The following PLCH1 variants were observed in gnomAD, a reference collection of about 807,000 sequenced individuals.
PLCH1 encodes the protein phospholipase C eta 1.
In PLCH1, 60 loss-of-function variants were observed where a neutral mutation model predicts 126.7. The observed-to-expected ratio is 0.47, with a 90% CI of 0.38 to 0.59. PLCH1 has a LOEUF of 0.59. Ranked by LOEUF, PLCH1 falls within the 20% of genes least tolerant of loss-of-function variation. The pLI is 0.00. For missense variants in PLCH1, 1,723 were observed against 2,040.0 expected, an observed-to-expected ratio of 0.84 and a Z score of 2.99; for synonymous variants, 719 against 734.9, an observed-to-expected ratio of 0.98 and a Z score of 0.35.
In PLCH1 at chr3:155,482,209, G is replaced by A. The variant is rs1714197102; in HGVS notation, c.3817C>T (p.Pro1273Ser). Residue 1273 changes from proline to serine, a missense_variant, in exon 23 of 23, where the codon CCC (proline) becomes TCC (serine). Physicochemically the swap from Pro to Ser is moderately conservative, Grantham distance 74 (BLOSUM62 -1). Around this residue, in one of 2 missense-constraint regions of PLCH1, gnomAD observed 947 missense variants for 977.1 expected, o/e 0.97. Coordinates refer to ENST00000460012, the MANE Select transcript of PLCH1 (RefSeq NM_014996.4). ...TCATCTGGTTTGGTTTTAGAGATGGGAGTGCAGGTAGTTTCATAAACTGTG... is the reference window on the plus strand; with the variant it reads ...TCATCTGGTTTGGTTTTAGAGATGGAAGTGCAGGTAGTTTCATAAACTGTG... ...TNTVYETTCT[P>S]ISKTKPDDDL... 8.7e-6 allele frequency: 14 copies of A among 1,614,174 alleles called. No homozygotes were observed. Among genetic ancestry groups the A allele is most frequent in the Non-Finnish European group, 1.1e-5 (13 of 1,180,034 alleles).
intron 6 of PLCH1, among the ~76,000 whole-genome samples, chr3:155,575,166 A>G (rs575496362): frequency 1.3e-5 from 2 of 152,194 alleles, no homozygotes; most frequent in South Asian, 4.1e-4. Context: ...AAAATGATAC[A>G]GAAATTCAGG....
intron 21 of PLCH1, among the ~76,000 whole-genome samples, chr3:155,463,609 A>G (rs1712810826): frequency 6.6e-6 from 1 of 152,214 alleles, no homozygotes; most frequent in Non-Finnish European, 1.5e-5. Flanking sequence ...GGGTAACATC[A>G]TCTCCTCACA....
chr3:155,495,748 T>A (rs930628812), intron 15 of PLCH1, among the ~76,000 whole-genome samples: 1 of 152,026 alleles, frequency 6.6e-6, no homozygotes, highest in African/African-American at 2.4e-5. Context: ...GTTAGAAGAG[T>A]CAGGAATACA....
chr3:155,538,753 A>T (rs565303100), intron 10 of PLCH1, among the ~76,000 whole-genome samples: 1 of 152,204 alleles, frequency 6.6e-6, no homozygotes, highest in Admixed American at 6.5e-5. Flanking sequence ...TGAAATGCTA[A>T]TAAAAAAAAT....
At position 155,480,076 on chromosome 3, in the gene PLCH1, T is replaced by C. The variant is rs928447795; in HGVS notation, c.*892A>G. 6.6e-6 allele frequency: 1 copy of C among 152,620 alleles called. No homozygotes were observed. The highest frequency in any genetic ancestry group is 1.9e-4 in the East Asian group (1 of 5,200). 9.5% of individuals were successfully genotyped at this position (152,620 alleles called of 1,614,324 possible). A position where few individuals can be genotyped will look rare whatever the true frequency, so the allele number is the denominator to read the frequency against. ...GAAGGAAAAGGGTTTCTTCTAATTATCTGTTCACTTGGATTTTATTATGAG... is the reference window on the plus strand; with the variant it reads ...GAAGGAAAAGGGTTTCTTCTAATTACCTGTTCACTTGGATTTTATTATGAG... On this transcript the variant is annotated 3_prime_UTR_variant, in exon 23 of 23. Coordinates refer to ENST00000460012, the MANE Select transcript of PLCH1 (RefSeq NM_014996.4).
chr3:155,467,288 C>G (rs1712964288), intron 21 of PLCH1, among the ~76,000 whole-genome samples: 1 of 151,908 alleles, frequency 6.6e-6, no homozygotes, highest in Non-Finnish European at 1.5e-5. Context: ...AAGAAAGGAT[C>G]CTAGACCAGG....
At chr3:155,526,109 G>A (rs1044551643) in intron 10 of PLCH1, among the ~76,000 whole-genome samples, 2 of 152,098 alleles carry the variant, frequency 1.3e-5, no homozygotes, top group Admixed American at 1.3e-4. Flanking sequence ...GAGGGTGGGA[G>A]GTGGAACAAA....
intron 2 of PLCH1, among the ~76,000 whole-genome samples, chr3:155,652,744 C>A (rs918044554): frequency 6.6e-5 from 10 of 152,190 alleles, no homozygotes; most frequent in Admixed American, 6.5e-4. Flanking sequence ...ACACCTGCTA[C>A]CTCGCCTCAA....
chr3:155,689,016 C>T (rs1745172000), intron 2 of PLCH1, among the ~76,000 whole-genome samples: 2 of 152,216 alleles, frequency 1.3e-5, no homozygotes, highest in Admixed American at 1.3e-4. Flanking sequence ...CCAGTCAGTG[C>T]CATGCTGGCT....
At chr3:155,478,352 T>C (rs928088192), downstream of PLCH1, among the ~76,000 whole-genome samples, 2 of 152,164 alleles carry the variant, frequency 1.3e-5, no homozygotes, top group African/African-American at 2.4e-5. Flanking sequence ...AGGATGACTA[T>C]AGTCAATAAT....
At chr3:155,560,291 A>G (rs1727396262) in intron 8 of PLCH1, among the ~76,000 whole-genome samples, 2 of 152,218 alleles carry the variant, frequency 1.3e-5, no homozygotes, top group South Asian at 2.1e-4. Context: ...ATCTCTATGC[A>G]TGCCAGACAT....
At chr3:155,583,160 ATAGTAT>A (rs1289487495) in intron 6 of PLCH1, among the ~76,000 whole-genome samples, 2 of 150,662 alleles carry the variant, frequency 1.3e-5, no homozygotes, top group Non-Finnish European at 3.0e-5. Context: ...TTAATACATC[ATAGTAT>A]TAGTATAAAG....
At position 155,500,779 on chromosome 3, in the gene PLCH1, G is replaced by A. The variant is rs773887107; in HGVS notation, c.1720C>T (p.Arg574Trp). The A allele has an allele frequency of 1.5e-5, 24 of 1,611,224 alleles. No individual in the cohort carries two copies. The East Asian group carries it at 2.2e-4, about 15-fold the overall frequency. Reference sequence around the variant, plus strand: ...TCATCAGTACTGTAAGATTTAGACCGTGATTTTGTAGTTTTCTGCCAGAAA... The same window carrying A: ...TCATCAGTACTGTAAGATTTAGACCATGATTTTGTAGTTTTCTGCCAGAAA... Reference protein sequence around the residue: ...FGKHKKTTKSRSKSYSTDDEE... With the variant: ...FGKHKKTTKSWSKSYSTDDEE... The change falls in exon 14 of 23, where the codon CGG (arginine) becomes TGG (tryptophan). Residue 574 changes from arginine to tryptophan, a missense_variant. By Grantham distance (101) the Arg-to-Trp change is moderately radical (BLOSUM62 -3). Transcript: ENST00000460012.
chr3:155,650,246 T>C (rs867501779), intron 2 of PLCH1, among the ~76,000 whole-genome samples: 5 of 152,196 alleles, frequency 3.3e-5, no homozygotes, highest in African/African-American at 1.2e-4. Context: ...AAGTAAAATT[T>C]CCAGCAATGA....
At chr3:155,663,435 C>T (rs887082858) in intron 2 of PLCH1, among the ~76,000 whole-genome samples, 2 of 152,212 alleles carry the variant, frequency 1.3e-5, no homozygotes, top group Admixed American at 6.5e-5. Flanking sequence ...AAACCTTTTG[C>T]TCTCTTTCCG....
intron 21 of PLCH1, among the ~76,000 whole-genome samples, chr3:155,469,186 T>C (rs943959230): frequency 2.0e-5 from 3 of 151,858 alleles, no homozygotes; most frequent in African/African-American, 7.3e-5. Flanking sequence ...CACTAGGGAG[T>C]TACAGACAGT....
chr3:155,484,146 T>C (rs1484384657), intron 22 of PLCH1, among the ~76,000 whole-genome samples: 6 of 152,168 alleles, frequency 3.9e-5, no homozygotes, highest in African/African-American at 1.4e-4. Flanking sequence ...TACCGAAACT[T>C]TAATACACAT....
Position 155,565,066 on chromosome 3 carries a change from G to A in PLCH1, c.918C>T (p.His306=). Residue 306 remains histidine (H), a synonymous_variant, in exon 8 of 23, where the codon CAC becomes CAT. Coordinates refer to ENST00000460012, the MANE Select transcript of PLCH1 (RefSeq NM_014996.4). ...GATCCATGTCTTGGTACACTTCATG[G>A]TGCAATGGGTTAAATATGTCACAGG... ...SPACDIFNPL[H]HEVYQDMDQP... 1 of 1,613,826 alleles carries A rather than the reference G, an allele frequency of 6.2e-7. No individual in the cohort carries two copies.
rs188657470 is a variant in PLCH1, at chr3:155,631,366, A to C, written c.80-34988T>G. Among the ~76,000 whole-genome samples the C allele has an allele frequency of 2.8e-3, 425 of 152,236 alleles. 6 individuals carry two copies. The highest frequency in any genetic ancestry group is 9.8e-3 in the African/African-American group (408 of 41,538). On this transcript the variant is annotated intron_variant, in intron 2 of 22. Transcript: ENST00000460012. Reference sequence around the variant, plus strand: ...CACTGTGTTTAAATATGATGCATGCACTTGAAGCAGTAGAACCTCAATTCA... The same window carrying C: ...CACTGTGTTTAAATATGATGCATGCCCTTGAAGCAGTAGAACCTCAATTCA...
Sources: allele counts gnomAD v4.1 joint callset (sites outside exome capture counted in the v4.1 genomes callset), GRCh38; gene constraint gnomAD v4.1.1; regional missense constraint gnomAD v4.1.1; transcripts MANE v1.5; gene names NCBI Gene and HGNC (gene_info 2026-07-23, HGNC 2026-07-21).